Variants in RGPD3 observed in about 807,000 individuals in gnomAD.
The protein encoded by RGPD3 is ranBP2-like and GRIP domain-containing protein 3.
In RGPD3, 62 loss-of-function variants were observed where a neutral mutation model predicts 154.5. The ratio of observed to expected loss-of-function variants is 0.40; its 90% CI spans 0.33 to 0.50. The LOEUF (loss-of-function observed/expected upper bound fraction) is 0.50. Among genes scored for constraint, RGPD3 ranks in the 20% least tolerant of loss-of-function variants. RGPD3 has a pLI of 0.59. For missense variants in RGPD3, 919 were observed against 1,716.8 expected (o/e 0.54, Z 8.21); for synonymous variants, 308 against 607.0 (o/e 0.51, Z 7.24).
chr2:106,467,093 G>A (rs1460154116), intron 1 of RGPD3, among the ~76,000 whole-genome samples: 4 of 111,774 alleles, frequency 3.6e-5, no homozygotes, highest in Admixed American at 9.4e-5. Flanking sequence ...CGAGGCCGCC[G>A]CAGGGCCAGG....
chr2:106,422,840 C>T (rs1423863270), intron 20 of RGPD3, among the ~76,000 whole-genome samples: 3 of 151,962 alleles, frequency 2.0e-5, no homozygotes, highest in Non-Finnish European at 4.4e-5. Context: ...CTTCCAGTTA[C>T]TGAAATGTCT....
At chr2:106,441,150 T>C (rs1677730128) in intron 8 of RGPD3, 143 bp downstream of exon 8, 12 of 828,250 alleles carry the variant, frequency 1.4e-5, no homozygotes, top group South Asian at 1.9e-5. Context: ...ATCTCTTCCA[T>C]ACCTATTGCT....
chr2:106,445,235 G>A (rs1301501464), intron 7 of RGPD3, among the ~76,000 whole-genome samples: 2 of 147,398 alleles, frequency 1.4e-5, no homozygotes, highest in Non-Finnish European at 3.0e-5. Flanking sequence ...CTTGCAGTGA[G>A]CCGAGGTCGT....
At chr2:106,463,165 G>A (rs1013413886) in intron 1 of RGPD3, among the ~76,000 whole-genome samples, 9 of 150,596 alleles carry the variant, frequency 6.0e-5, no homozygotes, top group African/African-American at 1.9e-4. Flanking sequence ...CTAGAAAATG[G>A]AGCAATGCTT....
At chr2:106,455,180 A>AT (rs1678210660) in intron 4 of RGPD3, among the ~76,000 whole-genome samples, 1 of 151,920 alleles carries the variant, frequency 6.6e-6, no homozygotes, top group African/African-American at 2.4e-5. Flanking sequence ...AAAAATAGAA[A>AT]TAAAAAAAGT....
chr2:106,428,990 C>T (rs1193764541), intron 18 of RGPD3, among the ~76,000 whole-genome samples: 2 of 151,366 alleles, frequency 1.3e-5, no homozygotes, highest in East Asian at 3.9e-4. Context: ...TGCACATAGC[C>T]AACCCACAGT....
chr2:106,463,281 C>T (rs1465453393), intron 1 of RGPD3, among the ~76,000 whole-genome samples: 1 of 151,890 alleles, frequency 6.6e-6, no homozygotes, highest in Non-Finnish European at 1.5e-5. Context: ...TCCAGACCAG[C>T]CTGACCAGTA....
chr2:106,412,333 A>T, intron 22 of RGPD3, among the ~76,000 whole-genome samples: 8 of 51,544 alleles, frequency 1.6e-4, no homozygotes, highest in African/African-American at 2.1e-4. Context: ...TTTTTTTTTG[A>T]GATGGAGTCT....
chr2:106,424,883 A>G lies in RGPD3; in HGVS notation c.3084T>C (p.Tyr1028=), dbSNP rs1243356942. The change falls in exon 20 of 23, where the codon TAT becomes TAC. Residue 1028 remains tyrosine, a synonymous_variant. Transcript: ENST00000409886. ...SGDFEKDDDA[Y]KTEDSDDIHF... is the part of the protein sequence containing the mutation. ...GGATGTCATCGCTGTCCTCAGTCTTATAGGCATCATCATCTTTCTCAAAGT... is the reference window on the plus strand; with the variant it reads ...GGATGTCATCGCTGTCCTCAGTCTTGTAGGCATCATCATCTTTCTCAAAGT... 4.3e-6 allele frequency: 7 copies of G among 1,611,616 alleles called. No individual in the cohort carries two copies. Among genetic ancestry groups the G allele is most frequent in the Non-Finnish European group, 5.9e-6 (7 of 1,179,796 alleles).
At chr2:106,441,950 G>A (rs1363368881) in intron 7 of RGPD3, among the ~76,000 whole-genome samples, 1 of 143,520 alleles carries the variant, frequency 7.0e-6, no homozygotes, top group African/African-American at 2.6e-5. Context: ...GGAGGCCAAG[G>A]TGGGGGGATC....
chr2:106,462,384 A>C (rs1208758818), intron 1 of RGPD3, among the ~76,000 whole-genome samples: 2 of 151,102 alleles, frequency 1.3e-5, no homozygotes, highest in East Asian at 3.9e-4. Context: ...AAGCTCAAGC[A>C]GGCAAATGCC....
Position 106,432,074 on chromosome 2 carries a change from T to TA in RGPD3, c.2469+860dup. Among the ~76,000 whole-genome samples, 2 of 148,520 alleles carry TA rather than the reference T, an allele frequency of 1.3e-5. 1 individual carries two copies. Among genetic ancestry groups the TA allele is most frequent in the Non-Finnish European group, 3.0e-5 (2 of 67,058 alleles). ...GAACCTTCTCTGTGTCAGGAACTCT[T>TA]ATATTTTAAATAAAACAGTTTCTAC... On this transcript the variant is annotated intron_variant, in intron 17 of 22. Transcript: ENST00000409886.
chr2:106,451,087 C>A (rs865933770), intron 6 of RGPD3, among the ~76,000 whole-genome samples: 206 of 108,626 alleles, frequency 1.9e-3, no homozygotes, highest in East Asian at 5.3e-3. Context: ...GACTCCCTCT[C>A]AAAAAAAAAA....
chr2:106,421,314 A>C (rs1370011743), intron 20 of RGPD3, among the ~76,000 whole-genome samples: 7 of 152,060 alleles, frequency 4.6e-5, no homozygotes, highest in African/African-American at 1.7e-4. Context: ...AGGGATTCCT[A>C]ACCTAGAGCT....
At chr2:106,426,717 T>G (rs1449377902) in intron 18 of RGPD3, among the ~76,000 whole-genome samples, 2 of 152,262 alleles carry the variant, frequency 1.3e-5, no homozygotes, top group African/African-American at 4.8e-5. Context: ...CCCCTGTTAA[T>G]GACAAAACTA....
In RGPD3 at chr2:106,424,715, G is replaced by C. The variant is rs1480004156; in HGVS notation, c.3252C>G (p.Asn1084Lys). The C allele has an allele frequency of 1.9e-6, 3 of 1,611,830 alleles. No homozygotes were observed. Among genetic ancestry groups the C allele is most frequent in the Non-Finnish European group, 2.5e-6 (3 of 1,179,846 alleles). ...TGACCTCGTTTTTGAGAATTTTTAAGTTCCCCAAGCCCCTTTCTTTCCACT... is the reference window on the plus strand; with the variant it reads ...TGACCTCGTTTTTGAGAATTTTTAACTTCCCCAAGCCCCTTTCTTTCCACT... ...VSQWKERGLGNLKILKNEVNG... is the reference protein window; with the variant it reads ...VSQWKERGLGKLKILKNEVNG... The change falls in exon 20 of 23, where the codon AAC (asparagine) becomes AAG (lysine). Residue 1084 changes from asparagine to lysine, a missense_variant. Coordinates refer to ENST00000409886, the MANE Select transcript of RGPD3 (RefSeq NM_001144013.2).
chr2:106,465,776 A>AG (rs1208467067), intron 1 of RGPD3, among the ~76,000 whole-genome samples: 16 of 151,066 alleles, frequency 1.1e-4, no homozygotes, highest in Non-Finnish European at 1.5e-4. Context: ...CCGGGCAGGG[A>AG]GGGGGGCGAG....
At chr2:106,417,702 G>A (rs1255421774) in intron 20 of RGPD3, among the ~76,000 whole-genome samples, 1 of 150,928 alleles carries the variant, frequency 6.6e-6, no homozygotes, top group South Asian at 2.1e-4. Context: ...TTAAGTATGA[G>A]ATTGTTCAAA....
intron 1 of RGPD3, among the ~76,000 whole-genome samples, chr2:106,462,256 CTTCT>C (rs1678428203): frequency 6.6e-6 from 1 of 151,034 alleles, no homozygotes; most frequent in African/African-American, 2.4e-5. Context: ...ATTCCATTAC[CTTCT>C]TTGCTTCCAA....
Sources: allele counts gnomAD v4.1 joint callset (sites outside exome capture counted in the v4.1 genomes callset), GRCh38; gene constraint gnomAD v4.1.1; transcripts MANE v1.5; gene names NCBI Gene and HGNC (gene_info 2026-07-23, HGNC 2026-07-21).